SPMIP2: variants seen among roughly 807,000 people sequenced by gnomAD.
The protein encoded by SPMIP2 is protein SPMIP2.
the SPMIP2 span, among the ~76,000 whole-genome samples, chr4:158,951,117 T>C: frequency 6.6e-6 from 1 of 152,262 alleles, no homozygotes; most frequent in African/African-American, 2.4e-5. Flanking sequence ...TATAAGCTTC[T>C]TGATGGTAGG....
chr4:158,910,092 G>A, the SPMIP2 span, among the ~76,000 whole-genome samples: 1 of 152,036 alleles, frequency 6.6e-6, no homozygotes, highest in Admixed American at 6.5e-5. Flanking sequence ...TGTTGCCCAG[G>A]CTGGTCTTGA....
the SPMIP2 span, among the ~76,000 whole-genome samples, chr4:159,064,808 C>T: frequency 2.6e-5 from 4 of 152,198 alleles, no homozygotes; most frequent in Admixed American, 6.5e-5. Context: ...ATTGAGACTA[C>T]TGTCTGTCTT....
the SPMIP2 span, among the ~76,000 whole-genome samples, chr4:158,912,145 G>A: frequency 2.0e-5 from 3 of 152,176 alleles, no homozygotes; most frequent in Non-Finnish European, 4.4e-5. Flanking sequence ...GAGACATTTT[G>A]TGATTTAAAA....
the SPMIP2 span, among the ~76,000 whole-genome samples, chr4:159,002,755 T>C: frequency 7.0e-6 from 1 of 143,318 alleles, no homozygotes; most frequent in African/African-American, 2.6e-5. Context: ...GTTTTAATGA[T>C]ACATATCACT....
the SPMIP2 span, chr4:158,904,916 A>G: frequency 3.0e-5 from 5 of 167,340 alleles, no homozygotes; most frequent in Non-Finnish European, 5.2e-5. Context: ...AGTGTACATA[A>G]TATTCCAGTA....
chr4:158,933,565 T>G, the SPMIP2 span, among the ~76,000 whole-genome samples: 1 of 152,220 alleles, frequency 6.6e-6, no homozygotes, highest in Non-Finnish European at 1.5e-5. Context: ...CAGCAAGCTC[T>G]TTTCTGTCAG....
At chr4:158,967,784 T>C in the SPMIP2 span, among the ~76,000 whole-genome samples, 2 of 152,182 alleles carry the variant, frequency 1.3e-5, no homozygotes, top group African/African-American at 4.8e-5. Context: ...ATGCTGGCAA[T>C]ACATTTTTCC....
chr4:159,041,236 A>G, the SPMIP2 span, among the ~76,000 whole-genome samples: 26,740 of 152,166 alleles, frequency 0.18, 2,747 homozygotes, highest in African/African-American at 0.28. Context: ...AATCAACCCA[A>G]CTTCCCCCAG....
the SPMIP2 span, among the ~76,000 whole-genome samples, chr4:158,934,427 A>T: frequency 1.3e-5 from 2 of 152,178 alleles, no homozygotes; most frequent in South Asian, 4.1e-4. Context: ...GTGCCACTGC[A>T]CTCCAGCGTG....
chr4:159,055,811 T>C, the SPMIP2 span, among the ~76,000 whole-genome samples: 24 of 152,330 alleles, frequency 1.6e-4, no homozygotes, highest in South Asian at 5.0e-3. Context: ...TATGTTCTGA[T>C]AGGGTTTTGA....
the SPMIP2 span, among the ~76,000 whole-genome samples, chr4:158,970,969 C>T: frequency 6.6e-6 from 1 of 152,042 alleles, no homozygotes; most frequent in African/African-American, 2.4e-5. Flanking sequence ...AAGAGGACCC[C>T]GTTACTCAGC....
the SPMIP2 span, among the ~76,000 whole-genome samples, chr4:159,058,359 C>G: frequency 2.6e-5 from 4 of 151,996 alleles, no homozygotes; most frequent in African/African-American, 9.7e-5. Context: ...ATGCCAAGTA[C>G]TAGCAAAAGA....
the SPMIP2 span, chr4:159,064,454 A>G: frequency 6.6e-6 from 1 of 152,162 alleles, no homozygotes; most frequent in African/African-American, 2.4e-5. Flanking sequence ...GAAAAGGATT[A>G]CTAAGTAAAA....
At chr4:158,982,237 C>A in the SPMIP2 span, among the ~76,000 whole-genome samples, 2 of 152,190 alleles carry the variant, frequency 1.3e-5, no homozygotes, top group Non-Finnish European at 2.9e-5. Flanking sequence ...TTCTTAGACA[C>A]CTTACAAAGA....
the SPMIP2 span, chr4:159,035,162 C>T: frequency 1.5e-6 from 2 of 1,355,496 alleles, no homozygotes; most frequent in African/African-American, 2.9e-5. Flanking sequence ...TAAGCTGCAC[C>T]AGAAAGAACG....
chr4:158,946,997 C>T, the SPMIP2 span, among the ~76,000 whole-genome samples: 2 of 152,120 alleles, frequency 1.3e-5, no homozygotes, highest in Admixed American at 6.5e-5. Context: ...GTCCTGACTA[C>T]GGCAGCAGCT....
chr4:159,053,932 GAGAGAA>G, the SPMIP2 span, among the ~76,000 whole-genome samples: 16 of 146,234 alleles, frequency 1.1e-4, no homozygotes, highest in Non-Finnish European at 3.0e-5. Flanking sequence ...AAAAAAAAAA[GAGAGAA>G]AGAGAAAGAA....
the SPMIP2 span, among the ~76,000 whole-genome samples, chr4:158,972,176 G>A: frequency 1 from 152,129 of 152,310 alleles, 75,976 homozygotes; most frequent in East Asian, 1. Flanking sequence ...AGCCTGGCCA[G>A]CATGGCGAAA....
the SPMIP2 span, among the ~76,000 whole-genome samples, chr4:158,972,801 T>A: frequency 6.6e-6 from 1 of 152,226 alleles, no homozygotes; most frequent in African/African-American, 2.4e-5. Context: ...TGCAAGTGCC[T>A]CAGCCTGAAT....
Sources: gnomAD v4.1 joint callset for allele counts (sites outside exome capture counted in the v4.1 genomes callset) on GRCh38, gnomAD v4.1.1 for gene constraint, MANE v1.5 for transcripts, NCBI Gene and HGNC (gene_info 2026-07-23, HGNC 2026-07-21) for gene names.